Variants in GAREM1 observed in about 807,000 individuals in gnomAD.
GAREM1 encodes the protein GRB2-associated and regulator of MAPK protein 1.
Under a neutral mutation model 71.3 loss-of-function variants are expected in GAREM1, and 26 were observed. The observed-to-expected ratio is 0.36, with a 90% CI of 0.27 to 0.51. The LOEUF (loss-of-function observed/expected upper bound fraction) is 0.51. Among genes scored for constraint, GAREM1 ranks in the 20% least tolerant of loss-of-function variants. GAREM1 has a pLI of 0.95. For missense variants in GAREM1, 1,026 were observed against 1,103.1 expected (o/e 0.93, Z 0.99); for synonymous variants, 440 against 433.2 (o/e 1.02, Z -0.20).
chr18:32,381,739 C>T (rs888611588), intron 2 of GAREM1, among the ~76,000 whole-genome samples: 1 of 152,192 alleles, frequency 6.6e-6, no homozygotes, highest in South Asian at 2.1e-4. Flanking sequence ...GGAGGAACTC[C>T]CCAGGGCACA....
intron 2 of GAREM1, among the ~76,000 whole-genome samples, chr18:32,347,382 C>T (rs1202453291): frequency 6.6e-6 from 1 of 151,996 alleles, no homozygotes; most frequent in Non-Finnish European, 1.5e-5. Context: ...AAACTAAGTG[C>T]ACCTCTAGTC....
chr18:32,310,382 T>C (rs922302766), intron 2 of GAREM1, 59 bp from the exon 3 acceptor site: 39 of 1,561,546 alleles, frequency 2.5e-5, no homozygotes, highest in South Asian at 1.3e-4. Context: ...GCTGTTACCA[T>C]GGCAACAACA....
chr18:32,431,911 T>A (rs1220153508), intron 1 of GAREM1, among the ~76,000 whole-genome samples: 1 of 152,122 alleles, frequency 6.6e-6, no homozygotes, highest in Non-Finnish European at 1.5e-5. Context: ...AACTGGAACA[T>A]TTTTCAAGTC....
chr18:32,402,979 G>A (rs1187715651), intron 1 of GAREM1, among the ~76,000 whole-genome samples: 1 of 152,084 alleles, frequency 6.6e-6, no homozygotes, highest in East Asian at 1.9e-4. Flanking sequence ...GTACAGTGGT[G>A]TGATCTCAGC....
At chr18:32,352,622 G>A (rs956226416) in intron 2 of GAREM1, among the ~76,000 whole-genome samples, 1 of 152,032 alleles carries the variant, frequency 6.6e-6, no homozygotes, top group African/African-American at 2.4e-5. Context: ...GGGACAGGGG[G>A]TTTAGGGTAG....
chr18:32,271,375 T>C (rs1046252353), intron 4 of GAREM1, among the ~76,000 whole-genome samples: 1 of 152,008 alleles, frequency 6.6e-6, no homozygotes, highest in African/African-American at 2.4e-5. Flanking sequence ...GTATTTTTAG[T>C]AGAGTCGGGG....
chr18:32,468,960 T>TTCCC (rs2049023776), intron 1 of GAREM1, among the ~76,000 whole-genome samples: 1 of 82,164 alleles, frequency 1.2e-5, no homozygotes, highest in Non-Finnish European at 2.4e-5. Flanking sequence ...CACCTGTGCG[T>TTCCC]CCCCCCCCCC....
At chr18:32,467,357 ACTTCAACC>A (rs1326181292) in intron 1 of GAREM1, among the ~76,000 whole-genome samples, 1 of 152,334 alleles carries the variant, frequency 6.6e-6, no homozygotes, top group East Asian at 1.9e-4. Flanking sequence ...TGTCAGAACA[ACTTCAACC>A]CTTCTCTCCT....
At chr18:32,377,346 C>T (rs973948979) in intron 2 of GAREM1, among the ~76,000 whole-genome samples, 1 of 152,182 alleles carries the variant, frequency 6.6e-6, no homozygotes, top group African/African-American at 2.4e-5. Flanking sequence ...AGAACGTGTT[C>T]CAAGGTGGTT....
intron 2 of GAREM1, among the ~76,000 whole-genome samples, chr18:32,388,479 A>G (rs1444553891): frequency 6.6e-6 from 1 of 152,146 alleles, no homozygotes; most frequent in African/African-American, 2.4e-5. Context: ...CGTCCTCTCA[A>G]ATTTCCCAGT....
At chr18:32,416,178 C>G (rs1027137712) in intron 1 of GAREM1, among the ~76,000 whole-genome samples, 2 of 151,948 alleles carry the variant, frequency 1.3e-5, no homozygotes, top group Non-Finnish European at 2.9e-5. Context: ...AGTAAAAGAT[C>G]TCTACAATGA....
At chr18:32,392,789 T>C in intron 2 of GAREM1, 106 bp downstream of exon 2, 5 of 1,226,598 alleles carry the variant, frequency 4.1e-6, no homozygotes, top group Non-Finnish European at 5.7e-6. Context: ...TTTGATTCTC[T>C]AAGTCATTCT....
chr18:32,275,147 C>T (rs1331143137), intron 4 of GAREM1, among the ~76,000 whole-genome samples: 1 of 152,150 alleles, frequency 6.6e-6, no homozygotes, highest in Admixed American at 6.5e-5. Context: ...TCTACCACCA[C>T]CCTTTGACAC....
chr18:32,356,885 G>A (rs1403504154), intron 2 of GAREM1, among the ~76,000 whole-genome samples: 3 of 152,028 alleles, frequency 2.0e-5, no homozygotes, highest in East Asian at 1.9e-4. Flanking sequence ...CTGTTTAACC[G>A]CCACCCTCCA....
intron 2 of GAREM1, among the ~76,000 whole-genome samples, chr18:32,336,506 A>C (rs1033809234): frequency 6.6e-6 from 1 of 152,118 alleles, no homozygotes; most frequent in Non-Finnish European, 1.5e-5. Context: ...CTGGTGCTCT[A>C]TAAGTACTTA....
chr18:32,383,685 T>C (rs1201061597), intron 2 of GAREM1, among the ~76,000 whole-genome samples: 1 of 152,196 alleles, frequency 6.6e-6, no homozygotes, highest in African/African-American at 2.4e-5. Flanking sequence ...ATAGGTTAAA[T>C]TATATTTGAA....
intron 1 of GAREM1, among the ~76,000 whole-genome samples, chr18:32,410,934 A>G (rs550573776): frequency 7.2e-5 from 11 of 152,060 alleles, no homozygotes; most frequent in African/African-American, 2.7e-4. Context: ...TCCCAAGTAG[A>G]TGGGATTACA....
chr18:32,406,816 GC>G (rs761763633), intron 1 of GAREM1, among the ~76,000 whole-genome samples: 1 of 152,108 alleles, frequency 6.6e-6, no homozygotes, highest in Non-Finnish European at 1.5e-5. Flanking sequence ...ACTGCTTTTA[GC>G]CCAATGGTTG....
intron 2 of GAREM1, among the ~76,000 whole-genome samples, chr18:32,326,085 C>T (rs2047472606): frequency 6.6e-6 from 1 of 152,140 alleles, no homozygotes; most frequent in African/African-American, 2.4e-5. Flanking sequence ...GAATATGAGA[C>T]ATCAAAAAGT....
Sources: gnomAD v4.1 joint callset for allele counts (sites outside exome capture counted in the v4.1 genomes callset) on GRCh38, gnomAD v4.1.1 for gene constraint, MANE v1.5 for transcripts, NCBI Gene and HGNC (gene_info 2026-07-23, HGNC 2026-07-21) for gene names.